STAG3: variants seen among roughly 807,000 people sequenced by gnomAD.
STAG3 encodes STAG3 cohesin complex component.
Under a neutral mutation model 160.7 loss-of-function variants are expected in STAG3, and 101 were observed. The observed-to-expected ratio is 0.63, with a 90% CI of 0.54 to 0.74. STAG3 has a LOEUF of 0.74. STAG3 is among the 30% of genes least tolerant of loss of function. The pLI, the probability that STAG3 is intolerant of heterozygous loss-of-function variation, is 0.00. For synonymous variants in STAG3, 519 were observed against 585.0 expected (o/e 0.89, Z 1.63); for missense variants, 1,188 against 1,517.4 (o/e 0.78, Z 3.61).
At position 100,180,546 on chromosome 7, in the gene STAG3, C is replaced by T. The variant is rs1308534271; in HGVS notation, c.-11C>T. 9 of 1,551,488 alleles carry T rather than the reference C, an allele frequency of 5.8e-6. No individual in the cohort carries two copies. Among genetic ancestry groups the T allele is most frequent in the African/African-American group, 5.4e-5 (4 of 74,010 alleles). ...TCATCTTCCTGGCCTCATAGCTCCT[C>T]CTCTCCAAGCATGTCTTCCCCGTTG... is the stretch of plus-strand genomic sequence containing the variant. On this transcript the variant is annotated 5_prime_UTR_variant, in exon 2 of 34. Transcript: ENST00000615138.
rs1244072862 is a variant in STAG3 at position 100,202,248 on chromosome 7, C to T, written c.2471C>T (p.Pro824Leu). 1 of 1,613,984 alleles carries T rather than the reference C, an allele frequency of 6.2e-7. No homozygotes were observed. Among genetic ancestry groups the T allele is most frequent in the Non-Finnish European group, 8.5e-7 (1 of 1,180,040 alleles). ...GTTGGGGGCCGTGATTTCCTTAGGCCACTTGTCTTTTTTCCTGAAGCTACT... is the reference window on the plus strand; with the variant it reads ...GTTGGGGGCCGTGATTTCCTTAGGCTACTTGTCTTTTTTCCTGAAGCTACT... ...MIVGGRDFLR[P>L]LVFFPEATLQ... The change falls in exon 24 of 34, where the codon CCA (proline) becomes CTA (leucine). Residue 824 changes from proline (P) to leucine (L), a missense_variant. Pro to Leu is a moderately conservative substitution (Grantham distance 98). Transcript: ENST00000615138.
downstream of STAG3, among the ~76,000 whole-genome samples, chr7:100,217,957 T>G (rs1298628584): frequency 6.6e-6 from 1 of 150,542 alleles, no homozygotes; most frequent in Non-Finnish European, 1.5e-5. Flanking sequence ...CGGGCCTGAC[T>G]GATGTCAGGC....
downstream of STAG3, among the ~76,000 whole-genome samples, chr7:100,215,345 C>T (rs1289053599): frequency 3.9e-5 from 6 of 152,156 alleles, no homozygotes; most frequent in East Asian, 1.9e-4. Context: ...TCTCCCTCCC[C>T]GCCCCCACCT....
At chr7:100,215,871 A>G (rs1397104000), downstream of STAG3, among the ~76,000 whole-genome samples, 3 of 152,194 alleles carry the variant, frequency 2.0e-5, no homozygotes, top group African/African-American at 7.2e-5. Flanking sequence ...TAGTGGGCCC[A>G]GATTTTAAGG....
In STAG3 at chr7:100,189,514, G is replaced by A. The variant is rs369812552; in HGVS notation, c.785G>A (p.Arg262His). The A allele has an allele frequency of 1.7e-5, 27 of 1,614,104 alleles. No homozygotes were observed. Among genetic ancestry groups the A allele is most frequent in the Middle Eastern group, 3.3e-4 (2 of 6,062 alleles). Residue 262 changes from arginine (R) to histidine (H), a missense_variant, in exon 8 of 34, where the codon CGT becomes CAT. Physicochemically the swap from Arg to His is conservative, Grantham distance 29. This residue lies in a region of STAG3 where 296 missense variants were observed against 404.0 expected (regional missense o/e 0.73). Coordinates refer to ENST00000615138, the MANE Select transcript of STAG3 (RefSeq NM_001282717.2). The part of the protein sequence containing the change: ...QLSVHQDNNQ[R>H]QYEAERNKGP... ...AGTGTGCACCAAGATAACAATCAGC[G>A]TCAGTATGAGGCTGAAAGAAACAAG... is the stretch of plus-strand genomic sequence containing the variant.
In STAG3 at chr7:100,180,632, C is replaced by A. The variant is rs1799585372; in HGVS notation, c.76C>A (p.Leu26Ile). ...TGCATCTTCTAGTTCCTCTGCCAGT[C>A]TACCCTTTGATGACAGGGACTCAAA... ...LSASSSSSAS[L>I]PFDDRDSNHT... The change falls in exon 2 of 34, where the codon CTA becomes ATA. Residue 26 changes from leucine to isoleucine, a missense_variant. This residue lies in a region of STAG3 where 296 missense variants were observed against 404.0 expected (regional missense o/e 0.73). Coordinates refer to ENST00000615138, the MANE Select transcript of STAG3 (RefSeq NM_001282717.2). 3 of 1,613,186 alleles carry A rather than the reference C, an allele frequency of 1.9e-6. No individual in the cohort carries two copies. The highest frequency in any genetic ancestry group is 2.5e-6 in the Non-Finnish European group (3 of 1,179,220).
At chr7:100,213,248 A>G (rs1006417978) in intron 32 of STAG3, 1 of 977,402 alleles carries the variant, frequency 1.0e-6, no homozygotes. Context: ...ACTTCCAAAC[A>G]GCATCACACT....
chr7:100,197,308 TTTCC>T, intron 10 of STAG3, 29 bp downstream of exon 10: 1 of 1,604,206 alleles, frequency 6.2e-7, no homozygotes. Context: ...TCCCTTTCCG[TTTCC>T]TTCATCTTTT....
In STAG3 at chr7:100,198,858, G is replaced by A; in HGVS notation, c.1368G>A (p.Glu456=). Residue 456 remains glutamate, a synonymous_variant, in exon 14 of 34, where the codon GAG becomes GAA. Coordinates refer to ENST00000615138, the MANE Select transcript of STAG3 (RefSeq NM_001282717.2). ...EFLYWKLFYP[E]CEIRMMGGRE... is the part of the protein sequence containing the mutation. ...ATTCCACCAGACTCTTCTACCCTGA[G>A]TGCGAGATAAGAATGATGGGTGGAA... The A allele has an allele frequency of 5.6e-6, 9 of 1,612,212 alleles. No individual in the cohort carries two copies. The highest frequency in any genetic ancestry group is 7.6e-6 in the Non-Finnish European group (9 of 1,180,014).
At chr7:100,179,706 C>T (rs759242748) in intron 1 of STAG3, among the ~76,000 whole-genome samples, 3 of 152,064 alleles carry the variant, frequency 2.0e-5, no homozygotes, top group Non-Finnish European at 4.4e-5. Context: ...GTGCTTAATC[C>T]CTTGATGCCT....
downstream of STAG3, chr7:100,218,301 T>A (rs1056553641): frequency 1.4e-4 from 23 of 165,388 alleles, 3 homozygotes; most frequent in East Asian, 2.1e-3. Context: ...AATAAAGAGT[T>A]ATGCTATAAA....
At position 100,189,388 on chromosome 7, in the gene STAG3, A is replaced by T. The variant is rs1800217095; in HGVS notation, c.716-57A>T. 7.8e-6 allele frequency: 12 copies of T among 1,545,076 alleles called. No individual in the cohort carries two copies. The Middle Eastern group carries it at 7.0e-4, about 91-fold the overall frequency. On this transcript the variant is annotated intron_variant, in intron 7 of 33. Transcript: ENST00000615138. ...TTCCTTCTATTTTTTCCTTCTACTC[A>T]TCCTCTCTCCTCTGACCTCAGTAAT...
chr7:100,204,842 G>A lies in STAG3; in HGVS notation c.2951+67G>A, dbSNP rs1801485930. The A allele has an allele frequency of 1.3e-5, 21 of 1,601,530 alleles. No individual in the cohort carries two copies. The South Asian group carries it at 1.4e-4, about 11-fold the overall frequency. On this transcript the variant is annotated intron_variant, in intron 27 of 33. Transcript: ENST00000615138. ...GAACGAGGTCTTGGAGGGAGGTCTC[G>A]GAGGGAGGGTATGTGTGTCAAGGCA... is the stretch of plus-strand genomic sequence containing the variant.
At chr7:100,213,634 A>AT in intron 32 of STAG3, 101 bp from the exon 33 acceptor site, 1 of 1,585,384 alleles carries the variant, frequency 6.3e-7, no homozygotes, top group African/African-American at 1.3e-5. Flanking sequence ...TGCTGTGCCC[A>AT]TATTTGTTCT....
At chr7:100,189,729 C>T in intron 8 of STAG3, 133 bp downstream of exon 8, 1 of 1,039,070 alleles carries the variant, frequency 9.6e-7, no homozygotes, top group African/African-American at 1.6e-5. Context: ...TTTCATAGAC[C>T]CATCCTGTAA....
chr7:100,187,241 T>G (rs1010130172), intron 5 of STAG3, among the ~76,000 whole-genome samples: 1 of 152,098 alleles, frequency 6.6e-6, no homozygotes, highest in African/African-American at 2.4e-5. Flanking sequence ...CAGGCTGATC[T>G]TGAACTCCTG....
chr7:100,192,571 C>T (rs1051330171), intron 8 of STAG3, among the ~76,000 whole-genome samples: 13 of 152,204 alleles, frequency 8.5e-5, no homozygotes, highest in South Asian at 4.2e-4. Flanking sequence ...CCTTCCCGGA[C>T]GGGGGGTTGA....
At chr7:100,214,987 A>G, downstream of STAG3, 1 of 152,022 alleles carries the variant, frequency 6.6e-6, no homozygotes, top group East Asian at 1.9e-4. Flanking sequence ...GCCACAGTGC[A>G]GCCTCAGGGC....
At chr7:100,179,143 CTT>C (rs34870349) in intron 1 of STAG3, among the ~76,000 whole-genome samples, 20 of 127,018 alleles carry the variant, frequency 1.6e-4, no homozygotes, top group Admixed American at 4.0e-4. Flanking sequence ...GGCACCTTGC[CTT>C]TTTTTTTTTT....
Sources: allele counts gnomAD v4.1 joint callset (sites outside exome capture counted in the v4.1 genomes callset), GRCh38; gene constraint gnomAD v4.1.1; regional missense constraint gnomAD v4.1.1; transcripts MANE v1.5; gene names NCBI Gene and HGNC (gene_info 2026-07-23, HGNC 2026-07-21).